The following SLC20A2 variants were observed in gnomAD, a reference collection of about 807,000 sequenced individuals.
SLC20A2 encodes sodium-dependent phosphate transporter 2.
A neutral mutation model predicts 61.0 loss-of-function variants in SLC20A2; 30 were observed. The ratio of observed to expected loss-of-function variants is 0.49; its 90% CI spans 0.37 to 0.67. SLC20A2 has a LOEUF of 0.67. Among genes scored for constraint, SLC20A2 ranks in the 30% least tolerant of loss-of-function variants. The pLI, the probability that SLC20A2 is intolerant of heterozygous loss-of-function variation, is 0.00. For synonymous variants in SLC20A2, 351 were observed against 353.3 expected, an observed-to-expected ratio of 0.99 and a Z score of 0.07; for missense variants, 626 against 866.4, an observed-to-expected ratio of 0.72 and a Z score of 3.48.
rs1322787374 is a variant in SLC20A2, at chr8:42,507,594, C to T, written c.-265+34227G>A. ...CTTTCATACTGCTCTACATTCAGAA[C>T]AGCCACCTATTTAACAAACATCTGT... On this transcript the variant is annotated intron_variant, in intron 1 of 10. Coordinates refer to the SLC20A2 transcript ENST00000342228. Among the ~76,000 whole-genome samples the T allele has an allele frequency of 2.6e-5, 4 of 152,318 alleles. No homozygotes were observed. In the East Asian group the frequency reaches 7.7e-4, roughly 29 times the overall value.
At chr8:42,510,506 T>C (rs1810967953) in intron 1 of SLC20A2, among the ~76,000 whole-genome samples, 1 of 152,252 alleles carries the variant, frequency 6.6e-6, no homozygotes. Flanking sequence ...AATCTTTTGA[T>C]ACACAGTATA....
chr8:42,426,635 C>T (rs186123881), intron 10 of SLC20A2, among the ~76,000 whole-genome samples: 1 of 152,116 alleles, frequency 6.6e-6, no homozygotes, highest in South Asian at 2.1e-4. Flanking sequence ...GCAGAGGCTG[C>T]GGTGAGCTGG....
chr8:42,532,503 C>T (rs764779461), intron 1 of SLC20A2, among the ~76,000 whole-genome samples: 6 of 152,100 alleles, frequency 3.9e-5, no homozygotes, highest in Non-Finnish European at 8.8e-5. Flanking sequence ...GAATACTAAT[C>T]TAATTCTTAG....
At chr8:42,454,260 C>T (rs1805962344) in intron 5 of SLC20A2, among the ~76,000 whole-genome samples, 1 of 152,190 alleles carries the variant, frequency 6.6e-6, no homozygotes, top group South Asian at 2.1e-4. Context: ...TCTCGGCCTC[C>T]CGAAGTGCTG....
intron 3 of SLC20A2, among the ~76,000 whole-genome samples, chr8:42,464,092 CTT>C (rs1170751054): frequency 2.2e-3 from 45 of 20,534 alleles, no homozygotes; most frequent in East Asian, 6.5e-3. Flanking sequence ...GCTGGATGAT[CTT>C]TTTTTTTTTT....
At chr8:42,498,556 T>A (rs1226880647) in intron 1 of SLC20A2, among the ~76,000 whole-genome samples, 1 of 152,180 alleles carries the variant, frequency 6.6e-6, no homozygotes, top group Non-Finnish European at 1.5e-5. Context: ...GCACCGCATG[T>A]GCTGTGGGGT....
upstream of SLC20A2, among the ~76,000 whole-genome samples, chr8:42,501,662 A>G (rs1215335106): frequency 1.3e-5 from 2 of 152,248 alleles, no homozygotes; most frequent in African/African-American, 4.8e-5. Flanking sequence ...TTCTTTCTCT[A>G]TAATGAACTG....
At chr8:42,439,782 C>G in intron 6 of SLC20A2, 129 bp from the exon 7 acceptor site, 1 of 714,460 alleles carries the variant, frequency 1.4e-6, no homozygotes, top group East Asian at 2.7e-5. Flanking sequence ...AAAGTTATAG[C>G]TAGATAGAGA....
chr8:42,518,720 T>C (rs1374696274), intron 1 of SLC20A2, among the ~76,000 whole-genome samples: 1 of 152,220 alleles, frequency 6.6e-6, no homozygotes, highest in Non-Finnish European at 1.5e-5. Flanking sequence ...GTACTCAAGA[T>C]GGCTCAGCCC....
intron 6 of SLC20A2, among the ~76,000 whole-genome samples, chr8:42,443,264 GATATATATATATATATAT>G (rs869057900): frequency 9.5e-6 from 1 of 105,480 alleles, no homozygotes; most frequent in East Asian, 2.9e-4. Context: ...ATTATTATAG[GATATATATATATATATAT>G]ATATATATAT....
intron 5 of SLC20A2, among the ~76,000 whole-genome samples, chr8:42,453,975 G>A (rs1805938333): frequency 6.6e-6 from 1 of 152,054 alleles, no homozygotes; most frequent in Non-Finnish European, 1.5e-5. Context: ...CAACTTAAGG[G>A]ACTTGAATAT....
In SLC20A2 at chr8:42,463,046, C is replaced by T; in HGVS notation, c.475G>A (p.Gly159Ser). ...ATTCTGATGAGTACAAACAGCAGGCCAGACATGAAACCAGACAACAGTGGA... is the reference window on the plus strand; with the variant it reads ...ATTCTGATGAGTACAAACAGCAGGCTAGACATGAAACCAGACAACAGTGGA... ...ISPLLSGFMS[G>S]LLFVLIRIFI... Residue 159 changes from glycine to serine, a missense_variant, in exon 4 of 11, where the codon GGC becomes AGC. By Grantham distance (56) the Gly-to-Ser change is moderately conservative. This residue lies in a region of SLC20A2 where 127 missense variants were observed against 215.4 expected (regional missense o/e 0.59). Coordinates refer to ENST00000520262, the MANE Select transcript of SLC20A2 (RefSeq NM_001257180.2). 1 of 1,605,656 alleles carries T rather than the reference C, an allele frequency of 6.2e-7. No individual in the cohort carries two copies. The highest frequency in any genetic ancestry group is 8.5e-7 in the Non-Finnish European group (1 of 1,176,724).
At chr8:42,488,902 G>GT (rs776931434) in intron 1 of SLC20A2, among the ~76,000 whole-genome samples, 1 of 138,518 alleles carries the variant, frequency 7.2e-6, no homozygotes. Context: ...AAATCAGGTC[G>GT]TTTGCTTTTT....
chr8:42,480,816 T>A (rs937186374), intron 1 of SLC20A2, among the ~76,000 whole-genome samples: 1 of 152,130 alleles, frequency 6.6e-6, no homozygotes, highest in Non-Finnish European at 1.5e-5. Context: ...CATGCCATCA[T>A]GCTTGGCTAA....
At chr8:42,429,935 C>T in intron 9 of SLC20A2, 129 bp downstream of exon 9, 1 of 708,906 alleles carries the variant, frequency 1.4e-6, no homozygotes, top group South Asian at 2.5e-5. Flanking sequence ...TTCTTGCCCA[C>T]TGTCTCCTCC....
At chr8:42,475,863 G>A (rs1272448339) in intron 1 of SLC20A2, among the ~76,000 whole-genome samples, 1 of 151,976 alleles carries the variant, frequency 6.6e-6, no homozygotes, top group Admixed American at 6.6e-5. Context: ...GAGGGAATAC[G>A]ATGATTTAAG....
intron 6 of SLC20A2, among the ~76,000 whole-genome samples, chr8:42,444,444 C>T (rs1316610605): frequency 1.3e-5 from 2 of 152,194 alleles, no homozygotes; most frequent in East Asian, 3.8e-4. Flanking sequence ...CAACTGGGAC[C>T]TTGCTGCCCA....
intron 5 of SLC20A2, among the ~76,000 whole-genome samples, chr8:42,450,170 A>C (rs754057313): frequency 5.3e-5 from 8 of 151,802 alleles, no homozygotes; most frequent in Non-Finnish European, 1.2e-4. Context: ...AATTTGCTCT[A>C]TAAGTAAAAA....
chr8:42,486,876 AT>A (rs1376277657), intron 1 of SLC20A2, among the ~76,000 whole-genome samples: 2 of 151,356 alleles, frequency 1.3e-5, no homozygotes, highest in Non-Finnish European at 3.0e-5. Context: ...TTTTATTTTT[AT>A]TTTTTTTGAG....
Sources: allele counts gnomAD v4.1 joint callset (sites outside exome capture counted in the v4.1 genomes callset), GRCh38; gene constraint gnomAD v4.1.1; regional missense constraint gnomAD v4.1.1; transcripts MANE v1.5; gene names NCBI Gene and HGNC (gene_info 2026-07-23, HGNC 2026-07-21).